RNLS: variants seen among roughly 807,000 people sequenced by gnomAD.
RNLS encodes renalase.
Under a neutral mutation model 39.8 loss-of-function variants are expected in RNLS, and 39 were observed. The observed-to-expected ratio is 0.98, with a 90% CI of 0.76 to 1.28. The LOEUF is 1.28. Ranked by LOEUF, RNLS falls within the 50% of genes most tolerant of loss-of-function variation. RNLS has a pLI of 0.00. For missense variants in RNLS, 410 were observed against 413.3 expected (o/e 0.99, Z 0.07); for synonymous variants, 147 against 150.7 (o/e 0.98, Z 0.18).
intron 6 of RNLS, among the ~76,000 whole-genome samples, chr10:88,294,392 A>T (rs1314855799): frequency 2.0e-5 from 3 of 152,206 alleles, no homozygotes. Context: ...TTAGCCACTG[A>T]ATAAAGTTCC....
chr10:88,223,109 T>A, the RNLS span, among the ~76,000 whole-genome samples: 1 of 152,208 alleles, frequency 6.6e-6, no homozygotes, highest in South Asian at 2.1e-4. Context: ...TAAGGATACA[T>A]GGCTTGTGAG....
intron 4 of RNLS, among the ~76,000 whole-genome samples, chr10:88,550,579 G>A (rs1430524495): frequency 6.6e-6 from 1 of 152,148 alleles, no homozygotes; most frequent in Non-Finnish European, 1.5e-5. Flanking sequence ...ATTGGATCCT[G>A]GTTTGAATAT....
chr10:88,304,287 T>C (rs1489923912), intron 6 of RNLS, among the ~76,000 whole-genome samples: 2 of 151,918 alleles, frequency 1.3e-5, no homozygotes, highest in Non-Finnish European at 2.9e-5. Flanking sequence ...AAAGCCAGAG[T>C]GCCTTCTTTC....
chr10:88,299,396 G>A (rs1288427497), intron 6 of RNLS, among the ~76,000 whole-genome samples: 1 of 152,172 alleles, frequency 6.6e-6, no homozygotes. Context: ...GCTGAGACAG[G>A]CGGATCACTT....
chr10:88,314,562 C>T lies in RNLS; in HGVS notation c.780G>A (p.Glu260=), dbSNP rs1350415853. 6.2e-6 allele frequency: 10 copies of T among 1,613,944 alleles called. No homozygotes were observed. The highest frequency in any genetic ancestry group is 8.5e-6 in the Non-Finnish European group (10 of 1,179,890). Residue 260 remains glutamate (E), a synonymous_variant, in exon 6 of 7, where the codon GAG becomes GAA. Coordinates refer to ENST00000331772, the MANE Select transcript of RNLS (RefSeq NM_001031709.3). ...GCTGGAAGACTAACTCTTGCACATC[C>T]TCAATGCTGTGTTCCAAGTATGTAA... ...FGVTYLEHSI[E]DVQELVFQQL...
At chr10:88,419,438 T>A (rs1303231487) in intron 4 of RNLS, among the ~76,000 whole-genome samples, 1 of 152,248 alleles carries the variant, frequency 6.6e-6, no homozygotes, top group African/African-American at 2.4e-5. Context: ...TCAGGAACTC[T>A]GACTTCACCA....
chr10:88,185,507 A>G, the RNLS span, among the ~76,000 whole-genome samples: 2 of 152,236 alleles, frequency 1.3e-5, no homozygotes, highest in Middle Eastern at 6.8e-3. Flanking sequence ...CTCTTCAAGG[A>G]GCTTCGTCTT....
chr10:88,470,909 C>A (rs1292148649), intron 4 of RNLS, among the ~76,000 whole-genome samples: 2 of 152,092 alleles, frequency 1.3e-5, no homozygotes, highest in East Asian at 1.9e-4. Context: ...CCACCACAGC[C>A]GGCCTGTAAT....
intron 4 of RNLS, among the ~76,000 whole-genome samples, chr10:88,567,435 A>T (rs956393103): frequency 1.3e-5 from 2 of 152,236 alleles, no homozygotes; most frequent in Admixed American, 6.5e-5. Context: ...AAAACTATGC[A>T]GTTTTTAAAT....
At chr10:88,285,625 C>T in intron 6 of RNLS, 119 bp from the exon 7 acceptor site, 1 of 840,646 alleles carries the variant, frequency 1.2e-6, no homozygotes, top group Non-Finnish European at 1.8e-6. Flanking sequence ...ACAAGAAGCA[C>T]CAAACAAACA....
At position 88,495,485 on chromosome 10, in the gene RNLS, A is replaced by C. The variant is rs144958352; in HGVS notation, c.526+77418T>G. ...GCAAGCTTCAGATATTATCTTTGTA[A>C]AAAAGTGTATATAATACATCTGCTC... On this transcript the variant is annotated intron_variant, in intron 4 of 6. Coordinates refer to ENST00000331772, the MANE Select transcript of RNLS (RefSeq NM_001031709.3). 3.6e-3 allele frequency among the ~76,000 whole-genome samples: 555 copies of C among 152,282 alleles called. 3 individuals are homozygous for C. The highest frequency in any genetic ancestry group is 0.013 in the African/African-American group (527 of 41,562).
chr10:88,545,393 C>G (rs1370436776), intron 4 of RNLS: 1 of 452,882 alleles, frequency 2.2e-6, no homozygotes, highest in African/African-American at 2.0e-5. Context: ...ACTCACAGTT[C>G]CACATGCTGG....
At position 88,439,895 on chromosome 10, in the gene RNLS, T is replaced by A. The variant is rs192203919; in HGVS notation, c.527-77170A>T. Among the ~76,000 whole-genome samples, 498 of 152,344 alleles carry A rather than the reference T, an allele frequency of 3.3e-3. 7 individuals carry two copies. The highest frequency in any genetic ancestry group is 0.015 in the Admixed American group (235 of 15,310). On this transcript the variant is annotated intron_variant, in intron 4 of 6. Coordinates refer to ENST00000331772, the MANE Select transcript of RNLS (RefSeq NM_001031709.3). ...TATCTACCCAGATCCAGGGCAGATG[T>A]CATTTCCTGTCTGAAATCTTCTCCA... is the stretch of plus-strand genomic sequence containing the variant.
chr10:88,402,734 A>C (rs1355781930), intron 4 of RNLS, among the ~76,000 whole-genome samples: 1 of 151,980 alleles, frequency 6.6e-6, no homozygotes, highest in African/African-American at 2.4e-5. Context: ...TATCTTATAG[A>C]ATGTTCCTGA....
At chr10:88,235,222 T>A in the RNLS span, among the ~76,000 whole-genome samples, 1 of 133,490 alleles carries the variant, frequency 7.5e-6, no homozygotes, top group East Asian at 2.4e-4. Flanking sequence ...GAGCCGAGAT[T>A]GCGCCACTGC....
intron 4 of RNLS, among the ~76,000 whole-genome samples, chr10:88,429,358 G>A (rs914860330): frequency 1.3e-5 from 2 of 151,900 alleles, no homozygotes; most frequent in African/African-American, 4.8e-5. Context: ...AGTCATTACT[G>A]CTATATTGGA....
At chr10:88,345,200 T>C (rs1252119631) in intron 5 of RNLS, among the ~76,000 whole-genome samples, 1 of 152,132 alleles carries the variant, frequency 6.6e-6, no homozygotes, top group East Asian at 1.9e-4. Flanking sequence ...TGATATAAAG[T>C]ATTTATGAAA....
At chr10:88,224,180 G>T in the RNLS span, among the ~76,000 whole-genome samples, 2 of 152,166 alleles carry the variant, frequency 1.3e-5, no homozygotes, top group Admixed American at 6.5e-5. Context: ...CACAATTTTA[G>T]AGGCTGGGAA....
intron 4 of RNLS, among the ~76,000 whole-genome samples, chr10:88,537,450 ACCCAAATG>A (rs568896211): frequency 7.2e-5 from 11 of 152,246 alleles, no homozygotes; most frequent in Non-Finnish European, 1.0e-4. Flanking sequence ...CTGGAAAACT[ACCCAAATG>A]CCCACCAAGG....
Sources: gnomAD v4.1 joint callset for allele counts (sites outside exome capture counted in the v4.1 genomes callset) on GRCh38, gnomAD v4.1.1 for gene constraint, MANE v1.5 for transcripts, NCBI Gene and HGNC (gene_info 2026-07-23, HGNC 2026-07-21) for gene names.